SULF1: variants seen among roughly 807,000 people sequenced by gnomAD.
The protein encoded by SULF1 is extracellular sulfatase Sulf-1.
Under a neutral mutation model 110.5 loss-of-function variants are expected in SULF1, and 46 were observed. That is an observed-to-expected ratio of 0.42 (90% CI 0.33 to 0.53). The LOEUF is 0.53. Among genes scored for constraint, SULF1 ranks in the 20% least tolerant of loss-of-function variants. SULF1 has a pLI of 0.12. For missense variants in SULF1, 941 were observed against 1,094.2 expected (o/e 0.86, Z 1.98); for synonymous variants, 371 against 387.1 (o/e 0.96, Z 0.49).
chr8:69,521,980 A>G (rs1477201598), intron 3 of SULF1, among the ~76,000 whole-genome samples: 1 of 152,046 alleles, frequency 6.6e-6, no homozygotes, highest in Non-Finnish European at 1.5e-5. Flanking sequence ...TTGCCTAATC[A>G]ACTAGATATT....
At chr8:69,588,148 T>G (rs144809765) in intron 7 of SULF1, among the ~76,000 whole-genome samples, 1 of 152,254 alleles carries the variant, frequency 6.6e-6, no homozygotes, top group East Asian at 1.9e-4. Flanking sequence ...AAGAAGCAGG[T>G]GGTTTAAGTT....
chr8:69,649,972 C>CTTTTTTTTTTTTTTTTT lies in SULF1; in HGVS notation c.2586-8512_2586-8496dup, dbSNP rs536073966. 9.8e-5 allele frequency among the ~76,000 whole-genome samples: 3 copies of CTTTTTTTTTTTTTTTTT among 30,588 alleles called. 1 individual carries two copies. Among genetic ancestry groups the CTTTTTTTTTTTTTTTTT allele is most frequent in the African/African-American group, 1.1e-4 (1 of 9,140 alleles). The allele number at this position is 30,588 out of a possible 152,430, so 20.1% of individuals were successfully genotyped here. The stretch of plus-strand genomic sequence containing the variant: ...CCCACTCTGTAATTCCTCCTGCTTG[C>CTTTTTTTTTTTTTTTTT]TTTTTTTTTTTTTTTTTTTTTTTTT... On this transcript the variant is annotated intron_variant, in intron 22 of 22. Transcript: ENST00000402687.
At chr8:69,584,656 C>CT (rs776274562) in intron 6 of SULF1, 1 of 152,314 alleles carries the variant, frequency 6.6e-6, no homozygotes, top group Middle Eastern at 3.4e-3. Flanking sequence ...GCTCAGAACA[C>CT]TTATATTAGC....
intron 3 of SULF1, among the ~76,000 whole-genome samples, chr8:69,542,690 C>A (rs188667403): frequency 6.6e-6 from 1 of 152,020 alleles, no homozygotes. Flanking sequence ...AAGTTGAATA[C>A]GATGACTTCT....
At chr8:69,476,697 G>A (rs1339682083) in intron 1 of SULF1, among the ~76,000 whole-genome samples, 1 of 152,196 alleles carries the variant, frequency 6.6e-6, no homozygotes, top group East Asian at 1.9e-4. Flanking sequence ...TCCCCTGGAA[G>A]AAACGCCAGC....
chr8:69,535,797 C>T (rs1458595592), intron 3 of SULF1, among the ~76,000 whole-genome samples: 1 of 152,050 alleles, frequency 6.6e-6, no homozygotes, highest in Non-Finnish European at 1.5e-5. Flanking sequence ...TTTGGGAAGC[C>T]GAGGCGGGCA....
At chr8:69,610,985 C>T (rs1808608260) in intron 13 of SULF1, among the ~76,000 whole-genome samples, 1 of 152,204 alleles carries the variant, frequency 6.6e-6, no homozygotes, top group African/African-American at 2.4e-5. Flanking sequence ...CTCTTCTCAC[C>T]TAAGGCTCAC....
rs549542937 is a variant in SULF1, at chr8:69,646,136, A to C, written c.2585+5295A>C. Among the ~76,000 whole-genome samples, 86 of 148,668 alleles carry C rather than the reference A, an allele frequency of 5.8e-4. 1 individual carries two copies. Among genetic ancestry groups the C allele is most frequent in the African/African-American group, 1.7e-3 (65 of 38,066 alleles). On this transcript the variant is annotated intron_variant, in intron 22 of 22. Transcript: ENST00000402687. ...AGTTACATGCTACATCAAAGGATGT[A>C]ATCCCTGTCCTAAAAGCAATAGGCA...
chr8:69,557,139 C>G (rs1363425017), intron 3 of SULF1, among the ~76,000 whole-genome samples: 2 of 152,172 alleles, frequency 1.3e-5, no homozygotes, highest in African/African-American at 2.4e-5. Flanking sequence ...TCATGCAAAT[C>G]CACTTTACCT....
chr8:69,533,636 C>T (rs890433900), intron 3 of SULF1, among the ~76,000 whole-genome samples: 1 of 152,128 alleles, frequency 6.6e-6, no homozygotes, highest in Non-Finnish European at 1.5e-5. Context: ...ACCATATTTT[C>T]TTTATCCAGT....
At chr8:69,632,050 G>A (rs562908591) in intron 19 of SULF1, among the ~76,000 whole-genome samples, 2 of 152,148 alleles carry the variant, frequency 1.3e-5, no homozygotes, top group African/African-American at 4.8e-5. Context: ...AATTTTAGGT[G>A]AATAAATAAA....
intron 14 of SULF1, 143 bp downstream of exon 14, chr8:69,621,394 TA>T: frequency 1.8e-6 from 1 of 552,116 alleles, no homozygotes; most frequent in East Asian, 2.8e-5. Context: ...TTGCTCTATT[TA>T]AAATAAGAAA....
intron 22 of SULF1, among the ~76,000 whole-genome samples, chr8:69,651,290 T>C (rs1425662281): frequency 1.3e-5 from 2 of 152,064 alleles, no homozygotes; most frequent in Non-Finnish European, 2.9e-5. Context: ...TGACCTCAGG[T>C]GATCCGCCCA....
Position 69,623,769 on chromosome 8 carries a change from G to T in SULF1, c.1595-173G>T, listed in dbSNP as rs1809791292. On this transcript the variant is annotated intron_variant, in intron 14 of 22. Coordinates refer to ENST00000402687, the MANE Select transcript of SULF1 (RefSeq NM_001128205.2). The stretch of plus-strand genomic sequence containing the variant: ...CAGGCAATGGCACTGCCAGGCAATG[G>T]CACTGCCAGGACAACCTCTGCTACC... Among the ~76,000 whole-genome samples, 13 of 128,258 alleles carry T rather than the reference G, an allele frequency of 1.0e-4. 1 individual carries two copies. In the Admixed American group the frequency reaches 1.0e-3, roughly 10 times the overall value. 84.1% of individuals were successfully genotyped at this position (128,258 alleles called of 152,430 possible). A position where few individuals can be genotyped will look rare whatever the true frequency, so the allele number is the denominator to read the frequency against.
At chr8:69,604,598 C>T (rs958766404) in intron 12 of SULF1, among the ~76,000 whole-genome samples, 5 of 151,956 alleles carry the variant, frequency 3.3e-5, no homozygotes, top group African/African-American at 9.7e-5. Flanking sequence ...TTTTCCTGAC[C>T]TCTCATCTTC....
chr8:69,478,629 C>T (rs1053114715), intron 1 of SULF1, among the ~76,000 whole-genome samples: 8 of 152,204 alleles, frequency 5.3e-5, no homozygotes, highest in Non-Finnish European at 1.2e-4. Context: ...ATGGAACTTT[C>T]TTTTCCTAAC....
At chr8:69,488,815 A>G (rs1387111056), upstream of SULF1, among the ~76,000 whole-genome samples, 6 of 152,080 alleles carry the variant, frequency 3.9e-5, no homozygotes, top group Admixed American at 1.3e-4. Context: ...CATGCAGGGC[A>G]CACAGGGGTT....
intron 5 of SULF1, among the ~76,000 whole-genome samples, chr8:69,568,984 A>G (rs1805020009): frequency 1.3e-5 from 2 of 152,212 alleles, no homozygotes; most frequent in African/African-American, 4.8e-5. Flanking sequence ...AAGGAAGAAA[A>G]TAAAAAATGT....
At chr8:69,629,367 C>T (rs1810343881) in intron 18 of SULF1, 137 bp from the exon 19 acceptor site, 3 of 867,834 alleles carry the variant, frequency 3.5e-6, no homozygotes, top group East Asian at 2.7e-5. Flanking sequence ...TTTTAAGTCC[C>T]TCTATACAAA....
Sources: allele counts gnomAD v4.1 joint callset (sites outside exome capture counted in the v4.1 genomes callset), GRCh38; gene constraint gnomAD v4.1.1; transcripts MANE v1.5; gene names NCBI Gene and HGNC (gene_info 2026-07-23, HGNC 2026-07-21).